DSTYK: variants seen among roughly 807,000 people sequenced by gnomAD.
DSTYK encodes the protein RIP-homologous kinase.
A neutral mutation model predicts 98.7 loss-of-function variants in DSTYK; 34 were observed. That is an observed-to-expected ratio of 0.34 (90% CI 0.26 to 0.46). The LOEUF (loss-of-function observed/expected upper bound fraction) is 0.46. Ranked by LOEUF, DSTYK falls within the 20% of genes least tolerant of loss-of-function variation. The pLI is 1.00. For missense variants in DSTYK, 962 were observed against 1,181.7 expected, an observed-to-expected ratio of 0.81 and a Z score of 2.73; for synonymous variants, 462 against 457.3, an observed-to-expected ratio of 1.01 and a Z score of -0.13.
intron 1 of DSTYK, among the ~76,000 whole-genome samples, chr1:205,193,211 T>G (rs983646797): frequency 6.6e-6 from 1 of 152,116 alleles, no homozygotes; most frequent in Admixed American, 6.5e-5. Flanking sequence ...CAACAGTCAG[T>G]GTGTATTACT....
At chr1:205,189,001 C>T (rs1029356467) in intron 1 of DSTYK, among the ~76,000 whole-genome samples, 1 of 152,080 alleles carries the variant, frequency 6.6e-6, no homozygotes, top group Non-Finnish European at 1.5e-5. Context: ...TCCCAATTAC[C>T]CTGATTTGAC....
rs1204899666 is a variant in DSTYK, at chr1:205,144,685, ATTTTGCACCT to A, written c.*2863_*2872del. ...GGCTGGCCTAGAGACTTTCAAGAAT[ATTTTGCACCT>A]TTTCTCAAAATACTTTTTTTTAAAG... On this transcript the variant is annotated 3_prime_UTR_variant, in exon 13 of 13. Coordinates refer to ENST00000367162, the MANE Select transcript of DSTYK (RefSeq NM_015375.3). 1.8e-4 allele frequency: 27 copies of A among 152,398 alleles called. No individual in the cohort carries two copies. Among genetic ancestry groups the A allele is most frequent in the African/African-American group, 6.5e-4 (27 of 41,574 alleles). 9.4% of individuals were successfully genotyped at this position (152,398 alleles called of 1,614,324 possible). A position where few individuals can be genotyped will look rare whatever the true frequency, so the allele number is the denominator to read the frequency against.
At chr1:205,161,215 C>A (rs1258263405) in intron 7 of DSTYK, 43 bp downstream of exon 7, 1 of 1,609,252 alleles carries the variant, frequency 6.2e-7, no homozygotes, top group East Asian at 2.2e-5. Context: ...TGTCAGGTAT[C>A]CTGAACCATC....
chr1:205,152,863 G>A (rs1657445343), intron 10 of DSTYK, among the ~76,000 whole-genome samples: 1 of 152,158 alleles, frequency 6.6e-6, no homozygotes, highest in Non-Finnish European at 1.5e-5. Context: ...CATACTATGA[G>A]CAGCATGAGG....
At chr1:205,185,076 C>T (rs949993348) in intron 2 of DSTYK, among the ~76,000 whole-genome samples, 2 of 152,110 alleles carry the variant, frequency 1.3e-5, no homozygotes, top group South Asian at 2.1e-4. Context: ...TGGCACACAC[C>T]TGTAATCCCA....
At position 205,142,719 on chromosome 1, in the gene DSTYK, A is replaced by ATC. The variant is rs1183651441; in HGVS notation, c.*4838_*4839insGA. On this transcript the variant is annotated 3_prime_UTR_variant, in exon 13 of 13. Coordinates refer to ENST00000367162, the MANE Select transcript of DSTYK (RefSeq NM_015375.3). ...GGTAGCACAAGAAAGGAGAGAGGAT[A>ATC]AAGACTGAAGTGTGTGCCAAAGTCA... is the stretch of plus-strand genomic sequence containing the variant. 5.3e-5 allele frequency: 8 copies of ATC among 152,290 alleles called. No homozygotes were observed. Among genetic ancestry groups the ATC allele is most frequent in the Non-Finnish European group, 1.0e-4 (7 of 68,056 alleles). The allele number at this position is 152,290 out of a possible 1,614,324, so 9.4% of individuals were successfully genotyped here.
Position 205,157,294 on chromosome 1 carries a change from A to G in DSTYK, c.2331T>C (p.Asp777=), listed in dbSNP as rs773358240. The stretch of plus-strand genomic sequence containing the variant: ...TTACCAGCACATTTTTCAGTTTGAT[A>G]TCACGATGGACAAGTCCCTGGCTGT... ...FLHSQGLVHR[D]IKLKNVLLDK... Residue 777 remains aspartate, a synonymous_variant, in exon 10 of 13, where the codon GAT becomes GAC. Transcript: ENST00000367162. 3 of 1,614,116 alleles carry G rather than the reference A, an allele frequency of 1.9e-6. 1 individual carries two copies. Among genetic ancestry groups the G allele is most frequent in the Non-Finnish European group, 2.5e-6 (3 of 1,179,986 alleles).
chr1:205,165,276 A>G (rs1460068068), intron 3 of DSTYK, among the ~76,000 whole-genome samples: 3 of 152,052 alleles, frequency 2.0e-5, no homozygotes, highest in Admixed American at 6.6e-5. Flanking sequence ...TATTTAGTAG[A>G]GATGGGGTTT....
At chr1:205,178,011 G>C (rs551523452) in intron 2 of DSTYK, among the ~76,000 whole-genome samples, 8 of 152,218 alleles carry the variant, frequency 5.3e-5, no homozygotes, top group African/African-American at 1.9e-4. Flanking sequence ...AGGCAAACCA[G>C]AGTTTTATCC....
At chr1:205,209,569 AGT>A (rs1659306003) in intron 1 of DSTYK, among the ~76,000 whole-genome samples, 1 of 114,804 alleles carries the variant, frequency 8.7e-6, no homozygotes, top group Admixed American at 9.8e-5. Context: ...CGTTCCATTT[AGT>A]TGGTTTGGAT....
In DSTYK at chr1:205,169,637, G is replaced by C; in HGVS notation, c.850C>G (p.Leu284Val). The change falls in exon 3 of 13, where the codon CTG becomes GTG. Residue 284 changes from leucine (L) to valine (V), a missense_variant. Coordinates refer to ENST00000367162, the MANE Select transcript of DSTYK (RefSeq NM_015375.3). The surrounding 1 kb of genome is among the most constrained non-coding windows in gnomAD (Gnocchi z 4.0). The part of the protein sequence containing the change: ...FPVFFFKVPK[L>V]GSEIIDSSTR... The stretch of plus-strand genomic sequence containing the variant: ...GAGGAGTCTATTATCTCCGAGCCCA[G>C]TTTCGGCACTTTGAAAAAGAATACA... The C allele has an allele frequency of 6.2e-7, 1 of 1,614,202 alleles. No homozygotes were observed. The highest frequency in any genetic ancestry group is 8.5e-7 in the Non-Finnish European group (1 of 1,180,040).
intron 1 of DSTYK, among the ~76,000 whole-genome samples, chr1:205,194,279 T>C (rs1417766486): frequency 1.3e-5 from 2 of 152,198 alleles, no homozygotes; most frequent in Non-Finnish European, 2.9e-5. Flanking sequence ...AGTGAGGAAA[T>C]CTATCACACC....
chr1:205,180,733 G>A (rs756168169), intron 2 of DSTYK, among the ~76,000 whole-genome samples: 5 of 152,168 alleles, frequency 3.3e-5, no homozygotes, highest in Non-Finnish European at 5.9e-5. Flanking sequence ...CCAAAGTGCT[G>A]GCATTACAGG....
intron 1 of DSTYK, among the ~76,000 whole-genome samples, chr1:205,194,709 CA>C (rs1336825862): frequency 6.7e-6 from 1 of 150,306 alleles, no homozygotes; most frequent in Non-Finnish European, 1.5e-5. Context: ...AGACAGAGCT[CA>C]AAAAAAGAAA....
chr1:205,148,630 T>C (rs1657314324), intron 11 of DSTYK, among the ~76,000 whole-genome samples: 1 of 152,038 alleles, frequency 6.6e-6, no homozygotes, highest in Non-Finnish European at 1.5e-5. Context: ...AAAAGATTAA[T>C]CACAAAAGGT....
rs778420247 is a variant in DSTYK at position 205,169,592 on chromosome 1, C to T, written c.895G>A (p.Glu299Lys). 4 of 1,614,084 alleles carry T rather than the reference C, an allele frequency of 2.5e-6. No individual in the cohort carries two copies. Among genetic ancestry groups the T allele is most frequent in the African/African-American group, 1.3e-5 (1 of 74,932 alleles). The change falls in exon 3 of 13, where the codon GAA (glutamate) becomes AAA (lysine). Residue 299 changes from glutamate to lysine, a missense_variant. Transcript: ENST00000367162. This position sits in a 1 kb window ranked among gnomAD's most constrained non-coding sequence, Gnocchi z 4.0. ...IDSSTRRMESERSPLYRQLID... is the reference protein window; with the variant it reads ...IDSSTRRMESKRSPLYRQLID... ...AGCTGGCGATAAAGCGGTGATCTTTCGCTCTCCATTCTCCTGGTTGAGGAG... is the reference window on the plus strand; with the variant it reads ...AGCTGGCGATAAAGCGGTGATCTTTTGCTCTCCATTCTCCTGGTTGAGGAG...
chr1:205,203,277 G>A (rs995861536), intron 1 of DSTYK, among the ~76,000 whole-genome samples: 1 of 149,914 alleles, frequency 6.7e-6, no homozygotes, highest in Admixed American at 6.7e-5. Context: ...GAGGCCAGGA[G>A]TTCAACATCA....
intron 3 of DSTYK, among the ~76,000 whole-genome samples, chr1:205,164,172 T>A (rs1657817742): frequency 6.6e-6 from 1 of 152,092 alleles, no homozygotes; most frequent in African/African-American, 2.4e-5. Flanking sequence ...AGCAATTAAG[T>A]CCAGGTGCAG....
At chr1:205,195,047 A>C (rs1174565262) in intron 1 of DSTYK, among the ~76,000 whole-genome samples, 1 of 147,314 alleles carries the variant, frequency 6.8e-6, no homozygotes, top group Non-Finnish European at 1.5e-5. Context: ...GGCTGATCTC[A>C]AACTCCTGAC....
Sources: allele counts gnomAD v4.1 joint callset (sites outside exome capture counted in the v4.1 genomes callset), GRCh38; gene constraint gnomAD v4.1.1; non-coding constraint Gnocchi (gnomAD v3.1); transcripts MANE v1.5; gene names NCBI Gene and HGNC (gene_info 2026-07-23, HGNC 2026-07-21).